The following NCAPG2 variants were observed in gnomAD, a reference collection of about 807,000 sequenced individuals.
The protein encoded by NCAPG2 is non-SMC condensin II complex subunit G2.
In NCAPG2, 53 loss-of-function variants were observed where a neutral mutation model predicts 141.1. The ratio of observed to expected loss-of-function variants is 0.38; its 90% CI spans 0.30 to 0.47. The LOEUF (loss-of-function observed/expected upper bound fraction) is 0.47. Ranked by LOEUF, NCAPG2 falls within the 20% of genes least tolerant of loss-of-function variation. The pLI, the probability that NCAPG2 is intolerant of heterozygous loss-of-function variation, is 0.99. For synonymous variants in NCAPG2, 499 were observed against 490.7 expected (o/e 1.02, Z -0.22); for missense variants, 1,087 against 1,389.0 (o/e 0.78, Z 3.46).
chr7:158,642,278 T>C lies in NCAPG2; in HGVS notation c.3380+2011A>G, dbSNP rs1427117921. Among the ~76,000 whole-genome samples the C allele has an allele frequency of 2.6e-5, 4 of 152,208 alleles. No homozygotes were observed. In the East Asian group the frequency reaches 7.7e-4, roughly 29 times the overall value. ...AAAGGCCAAACATGGTGGCTCACAC[T>C]GGTAATCTCAGAACGTTAGGAGGCC... On this transcript the variant is annotated intron_variant, in intron 27 of 27. Transcript: ENST00000356309.
At chr7:158,665,654 C>A (rs1832871432) in intron 13 of NCAPG2, among the ~76,000 whole-genome samples, 2 of 152,172 alleles carry the variant, frequency 1.3e-5, no homozygotes, top group South Asian at 2.1e-4. Context: ...GTTCCCATCT[C>A]CTGGTTCCCA....
chr7:158,676,768 T>C (rs937503798), intron 11 of NCAPG2, among the ~76,000 whole-genome samples: 1 of 152,174 alleles, frequency 6.6e-6, no homozygotes, highest in South Asian at 2.1e-4. Flanking sequence ...CTTACTACTT[T>C]AATTAGAAAA....
intron 7 of NCAPG2, 86 bp downstream of exon 7, chr7:158,687,262 T>C: frequency 1.2e-6 from 1 of 831,822 alleles, no homozygotes; most frequent in Non-Finnish European, 1.9e-6. Flanking sequence ...TCTAATCCAT[T>C]ACTATAACTT....
chr7:158,637,095 C>G (rs898165459), intron 27 of NCAPG2, among the ~76,000 whole-genome samples: 2 of 151,912 alleles, frequency 1.3e-5, no homozygotes, highest in African/African-American at 2.4e-5. Context: ...CTACAGGCGC[C>G]CGCCACCATG....
intron 23 of NCAPG2, 76 bp downstream of exon 23, chr7:158,652,217 G>T: frequency 7.1e-7 from 1 of 1,408,990 alleles, no homozygotes; most frequent in Non-Finnish European, 9.8e-7. Context: ...CACAGCCAGG[G>T]CTGATGCATC....
intron 23 of NCAPG2, 49 bp from the exon 24 acceptor site, chr7:158,651,021 T>G (rs199789616): frequency 6.6e-7 from 1 of 1,514,356 alleles, no homozygotes; most frequent in East Asian, 2.4e-5. Flanking sequence ...ACCATGGTTT[T>G]GAAAAAAACA....
At chr7:158,689,284 C>A (rs1405821947) in intron 6 of NCAPG2, among the ~76,000 whole-genome samples, 2 of 152,172 alleles carry the variant, frequency 1.3e-5, no homozygotes, top group Admixed American at 6.6e-5. Context: ...TTCTTTCCCA[C>A]TAAATCTTCA....
At chr7:158,641,266 A>G (rs1830626013) in intron 27 of NCAPG2, 1 of 380,230 alleles carries the variant, frequency 2.6e-6, no homozygotes, top group African/African-American at 2.1e-5. Context: ...ACAATAACAA[A>G]TATGGTGGAT....
intron 27 of NCAPG2, chr7:158,640,049 T>A (rs1488084407): frequency 1.8e-4 from 8 of 45,694 alleles, no homozygotes; most frequent in East Asian, 1.5e-3. Context: ...ATAGAATAAA[T>A]GCCAAAAAAA....
In NCAPG2 at chr7:158,644,225, A is replaced by G. The variant is rs1830841041; in HGVS notation, c.3380+64T>C. 18 of 1,339,686 alleles carry G rather than the reference A, an allele frequency of 1.3e-5. No homozygotes were observed. The East Asian group carries it at 3.7e-4, about 27-fold the overall frequency. The allele number at this position is 1,339,686 out of a possible 1,614,324, so 83.0% of individuals were successfully genotyped here. ...GTAGCAGAAATGAAAATACAACCTC[A>G]TGCAGATCCAAAGAAGAATGAGCAG... On this transcript the variant is annotated intron_variant, in intron 27 of 27. Transcript: ENST00000356309.
In NCAPG2 at chr7:158,663,501, T is replaced by A. The variant is rs1291673321; in HGVS notation, c.1815+683A>T. 2.6e-5 allele frequency among the ~76,000 whole-genome samples: 4 copies of A among 152,166 alleles called. No homozygotes were observed. The South Asian group carries it at 8.3e-4, about 32-fold the overall frequency. On this transcript the variant is annotated intron_variant, in intron 15 of 27. Coordinates refer to ENST00000356309, the MANE Select transcript of NCAPG2 (RefSeq NM_017760.7). ...ATGGAGGAGAAAGCACCATGGGGCA[T>A]GAGCAGGGCCTGGGTGAGCCATCTG...
At chr7:158,679,317 T>A (rs1054735609) in intron 11 of NCAPG2, among the ~76,000 whole-genome samples, 4 of 152,224 alleles carry the variant, frequency 2.6e-5, no homozygotes, top group African/African-American at 9.6e-5. Context: ...GTAGATAGTA[T>A]GCACTGCTTA....
chr7:158,663,960 G>A (rs1832724392), intron 15 of NCAPG2, among the ~76,000 whole-genome samples: 1 of 152,180 alleles, frequency 6.6e-6, no homozygotes, highest in Non-Finnish European at 1.5e-5. Context: ...GATGTGACTG[G>A]TAAGAATTTT....
Position 158,701,872 on chromosome 7 carries a change from C to T in NCAPG2, c.28G>A (p.Ala10Thr). Residue 10 changes from alanine (A) to threonine (T), a missense_variant, in exon 2 of 28, where the codon GCC becomes ACC. Ala to Thr is a moderately conservative substitution (Grantham distance 58, BLOSUM62 0). Transcript: ENST00000356309. MEKRETFVQ[A>T]VSKELVGEFL... is the part of the protein sequence containing the mutation. The stretch of plus-strand genomic sequence containing the variant: ...TCTCCAACCAGCTCCTTAGACACGG[C>T]TTGTACAAACGTCTCACGTTTTTCC... 6.2e-7 allele frequency: 1 copy of T among 1,613,698 alleles called. No individual in the cohort carries two copies. The highest frequency in any genetic ancestry group is 8.5e-7 in the Non-Finnish European group (1 of 1,179,932).
At chr7:158,670,606 G>T (rs1833624839) in intron 13 of NCAPG2, among the ~76,000 whole-genome samples, 1 of 152,058 alleles carries the variant, frequency 6.6e-6, no homozygotes, top group South Asian at 2.1e-4. Flanking sequence ...CTCTTCAAAG[G>T]ATATTTTACC....
intron 16 of NCAPG2, 65 bp from the exon 17 acceptor site, chr7:158,658,473 C>T: frequency 1.4e-6 from 2 of 1,390,726 alleles, no homozygotes; most frequent in Admixed American, 2.4e-5. Flanking sequence ...GAAAGTCTCT[C>T]TACGTAAATT....
At chr7:158,631,836 G>A (rs995892264) in intron 27 of NCAPG2, 119 bp from the exon 28 acceptor site, 31 of 787,968 alleles carry the variant, frequency 3.9e-5, no homozygotes, top group African/African-American at 5.2e-5. Flanking sequence ...AAACAAAGTT[G>A]AAATAATCTA....
intron 27 of NCAPG2, among the ~76,000 whole-genome samples, chr7:158,636,703 A>G (rs1299205214): frequency 6.6e-6 from 1 of 152,134 alleles, no homozygotes; most frequent in Non-Finnish European, 1.5e-5. Flanking sequence ...TGCCCGGCCA[A>G]CATTATTTCT....
At chr7:158,660,396 G>A (rs10243014) in intron 16 of NCAPG2, among the ~76,000 whole-genome samples, 1 of 120,210 alleles carries the variant, frequency 8.3e-6, no homozygotes, top group Non-Finnish European at 1.6e-5. Context: ...CATTATTTCA[G>A]CTTTCTTTTT....
Sources: allele counts gnomAD v4.1 joint callset (sites outside exome capture counted in the v4.1 genomes callset), GRCh38; gene constraint gnomAD v4.1.1; transcripts MANE v1.5; gene names NCBI Gene and HGNC (gene_info 2026-07-23, HGNC 2026-07-21).